The following KIF7 variants were observed in gnomAD, a reference collection of about 807,000 sequenced individuals.
KIF7 encodes kinesin family member 7, also known as kinesin-like protein KIF7.
In KIF7, 104 loss-of-function variants were observed where a neutral mutation model predicts 135.7. The ratio of observed to expected loss-of-function variants is 0.77; its 90% CI spans 0.65 to 0.90. The LOEUF is 0.90. KIF7 is among the 40% of genes least tolerant of loss of function. The pLI, the probability that KIF7 is intolerant of heterozygous loss-of-function variation, is 0.00. For missense variants in KIF7, 2,005 were observed against 1,839.1 expected, an observed-to-expected ratio of 1.09 and a Z score of -1.65; for synonymous variants, 883 against 809.4, an observed-to-expected ratio of 1.09 and a Z score of -1.54.
At position 89,653,823 on chromosome 15, in the gene KIF7, G is replaced by T. The variant is rs546128722; in HGVS notation, c.-24-869C>A. ...CAGTCTGGCTATGTTGCCCAGGCTG[G>T]TCTTGAACTCCTGGGCTCAAGGGAT... is the stretch of plus-strand genomic sequence containing the variant. On this transcript the variant is annotated intron_variant, in intron 1 of 18. Transcript: ENST00000394412. Among the ~76,000 whole-genome samples, 10 of 152,086 alleles carry T rather than the reference G, an allele frequency of 6.6e-5. No homozygotes were observed. The East Asian group carries it at 1.7e-3, about 26-fold the overall frequency.
In KIF7 at chr15:89,648,716, G is replaced by A. The variant is rs1347007869; in HGVS notation, c.982C>T (p.Pro328Ser). The A allele has an allele frequency of 2.0e-6, 3 of 1,536,312 alleles. No homozygotes were observed. The highest frequency in any genetic ancestry group is 1.7e-6 in the Non-Finnish European group (2 of 1,146,518). The stretch of plus-strand genomic sequence containing the variant: ...GTCTCGTCGAAGTCGGAGGAGGAAG[G>A]GCTGACGCAGGCGATCATCACCGTC... ...AKTVMIACVS[P>S]SSSDFDETLN... is the part of the protein sequence containing the mutation. The change falls in exon 5 of 19, where the codon CCT becomes TCT. Residue 328 changes from proline (P) to serine (S), a missense_variant. Transcript: ENST00000394412.
Position 89,645,925 on chromosome 15 carries a change from C to G in KIF7, c.1890G>C (p.Glu630Asp), listed in dbSNP as rs1964004836. 1 of 1,613,634 alleles carries G rather than the reference C, an allele frequency of 6.2e-7. No individual in the cohort carries two copies. The highest frequency in any genetic ancestry group is 1.7e-5 in the Admixed American group (1 of 59,996). Residue 630 changes from glutamate to aspartate, a missense_variant, in exon 8 of 19, where the codon GAG becomes GAC. Coordinates refer to ENST00000394412, the MANE Select transcript of KIF7 (RefSeq NM_198525.3). ...GGTGTAAGGTCCGCCTGGGCGGCTC[C>G]TCCTCCTCCTCTTCCTCCTCTGAAG... ...SAASEEEEEEEEPPRRTLHLR... is the reference protein window; with the variant it reads ...SAASEEEEEEDEPPRRTLHLR...
chr15:89,641,438 A>T (rs933778837), intron 11 of KIF7, among the ~76,000 whole-genome samples: 4 of 152,276 alleles, frequency 2.6e-5, no homozygotes, highest in African/African-American at 9.6e-5. Context: ...AGAATGCATG[A>T]ATTAACAAAA....
At chr15:89,618,747 C>G (rs934346690) in intron 1 of KIF7, among the ~76,000 whole-genome samples, 3 of 152,086 alleles carry the variant, frequency 2.0e-5, no homozygotes, top group African/African-American at 7.2e-5. Context: ...GATCACTGGC[C>G]AGGAGTTTGA....
At chr15:89,644,110 G>A (rs1437614272) in intron 10 of KIF7, among the ~76,000 whole-genome samples, 1 of 152,114 alleles carries the variant, frequency 6.6e-6, no homozygotes, top group Non-Finnish European at 1.5e-5. Context: ...AAGTCTGGAG[G>A]ATGGGTATAT....
At position 89,648,861 on chromosome 15, in the gene KIF7, G is replaced by A. The variant is rs886070003; in HGVS notation, c.924-87C>T. ...CAGACCTGGGACCGGCTCCTGGCGC[G>A]GTTCCCGTGGGCTGGAGACCTCAGG... On this transcript the variant is annotated intron_variant, in intron 4 of 18. Transcript: ENST00000394412. 8 of 1,467,126 alleles carry A rather than the reference G, an allele frequency of 5.5e-6. No individual in the cohort carries two copies. In the Admixed American group the frequency reaches 9.2e-5, roughly 17 times the overall value. The allele number at this position is 1,467,126 out of a possible 1,614,324, so 90.9% of individuals were successfully genotyped here. A position where few individuals can be genotyped will look rare whatever the true frequency, so the allele number is the denominator to read the frequency against.
chr15:89,630,823 T>G (rs780933751), intron 15 of KIF7: 11 of 446,038 alleles, frequency 2.5e-5, no homozygotes, highest in Non-Finnish European at 4.2e-5. Flanking sequence ...GGTAAGCTTC[T>G]ACAGATGGGG....
chr15:89,646,639 C>T (rs1385377965), intron 7 of KIF7, among the ~76,000 whole-genome samples, 191 bp downstream of exon 7: 2 of 152,204 alleles, frequency 1.3e-5, no homozygotes, highest in Non-Finnish European at 2.9e-5. Context: ...GCACTGCACC[C>T]TTCTGAGAGG....
At chr15:89,629,917 C>T in intron 16 of KIF7, 2 of 518,626 alleles carry the variant, frequency 3.9e-6, no homozygotes, top group Non-Finnish European at 7.0e-6. Context: ...GGGGGCCTGT[C>T]CTGTGTGTTA....
chr15:89,631,415 G>C, intron 15 of KIF7, 80 bp downstream of exon 15: 1 of 1,297,890 alleles, frequency 7.7e-7, no homozygotes, highest in Non-Finnish European at 1.1e-6. Context: ...ACCCGCAGAG[G>C]GCTGGAGCAA....
chr15:89,625,817 A>AT (rs990191833), downstream of KIF7: 7 of 1,575,984 alleles, frequency 4.4e-6, no homozygotes, highest in African/African-American at 9.5e-5. Context: ...CAGTTTCCTC[A>AT]TGGTTTCTTT....
intron 13 of KIF7, 25 bp from the exon 14 acceptor site, chr15:89,633,021 A>AGGGAGGGAGGGAGGGAGGGC: frequency 1.2e-6 from 1 of 804,132 alleles, no homozygotes; most frequent in African/African-American, 1.8e-5. Context: ...GGAGGGAGGG[A>AGGGAGGGAGGGAGGGAGGGC]GGGAACTCAG....
chr15:89,658,880 A>C (rs1964231510), upstream of KIF7, among the ~76,000 whole-genome samples: 1 of 151,994 alleles, frequency 6.6e-6, no homozygotes, highest in South Asian at 2.1e-4. Flanking sequence ...AATAATAATA[A>C]TAATAATTAA....
chr15:89,633,415 T>C, intron 12 of KIF7, 149 bp from the exon 13 acceptor site: 2 of 1,107,410 alleles, frequency 1.8e-6, no homozygotes, highest in East Asian at 2.6e-5. Flanking sequence ...CAAATCTCCC[T>C]GGAGACCGGC....
Position 89,648,757 on chromosome 15 carries a change from A to T in KIF7, c.941T>A (p.Leu314Gln), listed in dbSNP as rs1320675092. 6.5e-7 allele frequency: 1 copy of T among 1,535,140 alleles called. No homozygotes were observed. The highest frequency in any genetic ancestry group is 8.7e-7 in the Non-Finnish European group (1 of 1,145,722). ...SKITRILKDS[L>Q]GGNAKTVMIA... ...CATCACCGTCTTGGCGTTCCCGCCC[A>T]GCGAGTCTTTGAGGATCCTGAGGGC... The change falls in exon 5 of 19, where the codon CTG becomes CAG. Residue 314 changes from leucine (L) to glutamine (Q), a missense_variant. By Grantham distance (113) the Leu-to-Gln change is moderately radical (BLOSUM62 -2). Coordinates refer to ENST00000394412, the MANE Select transcript of KIF7 (RefSeq NM_198525.3).
intron 5 of KIF7, 68 bp from the exon 6 acceptor site, chr15:89,647,780 T>C (rs1164807141): frequency 3.3e-6 from 4 of 1,196,628 alleles, no homozygotes; most frequent in African/African-American, 3.0e-5. Flanking sequence ...CGGCCTCTTC[T>C]TGTTTAGCCC....
rs1267389546 is a variant in KIF7 at position 89,648,993 on chromosome 15, G to C, written c.904C>G (p.Arg302Gly). The C allele has an allele frequency of 6.5e-7, 1 of 1,543,846 alleles. No homozygotes were observed. The highest frequency in any genetic ancestry group is 2.0e-5 in the Admixed American group (1 of 50,876). The change falls in exon 4 of 19, where the codon CGC (arginine) becomes GGC (glycine). Residue 302 changes from arginine to glycine, a missense_variant. Arg to Gly is a moderately radical substitution (Grantham distance 125). Coordinates refer to ENST00000394412, the MANE Select transcript of KIF7 (RefSeq NM_198525.3). ...GCTCACCGGGTGATCTTGGAGTCGC[G>C]GTAGGGTATGTGGCTGCCCCGGCGC... ...PQRRGSHIPY[R>G]DSKITRILKD...
chr15:89,639,554 C>A (rs1243127968), intron 11 of KIF7, among the ~76,000 whole-genome samples: 1 of 131,858 alleles, frequency 7.6e-6, no homozygotes, highest in Non-Finnish European at 1.6e-5. Context: ...CTCACCATCA[C>A]TGGCCATCAG....
chr15:89,642,545 AC>A, intron 10 of KIF7, 140 bp from the exon 11 acceptor site: 1 of 614,322 alleles, frequency 1.6e-6, no homozygotes, highest in Non-Finnish European at 2.8e-6. Context: ...ACCACAGTTT[AC>A]TTAATATTTT....
Sources: allele counts gnomAD v4.1 joint callset (sites outside exome capture counted in the v4.1 genomes callset), GRCh38; gene constraint gnomAD v4.1.1; transcripts MANE v1.5; gene names NCBI Gene and HGNC (gene_info 2026-07-23, HGNC 2026-07-21).